The following EEPD1 variants were observed in gnomAD, a reference collection of about 807,000 sequenced individuals.
EEPD1 encodes endonuclease/exonuclease/phosphatase family domain containing 1, also known as endonuclease/exonuclease/phosphatase family domain-containing protein 1.
EEPD1 carries 17 observed loss-of-function variants against 46.3 expected under a neutral mutation model. The observed-to-expected ratio is 0.37, with a 90% CI of 0.25 to 0.55. The LOEUF (loss-of-function observed/expected upper bound fraction) is 0.55, where lower values mean the gene tolerates loss of function less well. EEPD1 is among the 20% of genes least tolerant of loss of function. The pLI is 0.83. For synonymous variants in EEPD1, 313 were observed against 315.6 expected (o/e 0.99, Z 0.09); for missense variants, 673 against 745.6 (o/e 0.90, Z 1.13).
intron 2 of EEPD1, among the ~76,000 whole-genome samples, chr7:36,226,980 T>G (rs1431126942): frequency 6.6e-6 from 1 of 152,134 alleles, no homozygotes; most frequent in Non-Finnish European, 1.5e-5. Context: ...TAAATCCTAG[T>G]GCTAATTTTT....
At chr7:36,271,798 C>T (rs180847349) in intron 3 of EEPD1, among the ~76,000 whole-genome samples, 2 of 132,314 alleles carry the variant, frequency 1.5e-5, no homozygotes, top group African/African-American at 6.1e-5. Flanking sequence ...ACATAAGCCT[C>T]CTATTCTATT....
intron 2 of EEPD1, among the ~76,000 whole-genome samples, chr7:36,195,675 T>A (rs1047342719): frequency 4.6e-5 from 7 of 152,096 alleles, no homozygotes; most frequent in African/African-American, 1.7e-4. Context: ...GTTCAGGAGA[T>A]CTCTTGTACT....
rs868548278 is a variant in EEPD1 at position 36,154,227 on chromosome 7, C to G, written c.-98C>G. The G allele has an allele frequency of 2.8e-6, 4 of 1,415,632 alleles. No homozygotes were observed. The highest frequency in any genetic ancestry group is 3.7e-6 in the Non-Finnish European group (4 of 1,072,670). The allele number at this position is 1,415,632 out of a possible 1,614,324, so 87.7% of individuals were successfully genotyped here. On this transcript the variant is annotated 5_prime_UTR_variant, in exon 2 of 8. Coordinates refer to ENST00000242108, the MANE Select transcript of EEPD1 (RefSeq NM_030636.3). The surrounding 1 kb of genome is among the most constrained non-coding windows in gnomAD (Gnocchi z 4.2). ...TTCAGTCCCTGAATCCTGCACCTTCCGTTTTTCTGTGCTTGTACGGCCTAC... is the reference window on the plus strand; with the variant it reads ...TTCAGTCCCTGAATCCTGCACCTTCGGTTTTTCTGTGCTTGTACGGCCTAC...
chr7:36,248,190 A>G (rs967312703), intron 3 of EEPD1, among the ~76,000 whole-genome samples: 1 of 151,844 alleles, frequency 6.6e-6, no homozygotes, highest in Non-Finnish European at 1.5e-5. Context: ...ACTTATAAAA[A>G]TATATATACT....
intron 3 of EEPD1, among the ~76,000 whole-genome samples, chr7:36,241,993 C>T (rs1786561246): frequency 6.6e-6 from 1 of 152,196 alleles, no homozygotes; most frequent in Non-Finnish European, 1.5e-5. Context: ...GAAATAGGGT[C>T]AGGGCTTATT....
In EEPD1 at chr7:36,225,693, C is replaced by G. The variant is rs1452582783; in HGVS notation, c.879-13292C>G. On this transcript the variant is annotated intron_variant, in intron 2 of 7. Coordinates refer to ENST00000242108, the MANE Select transcript of EEPD1 (RefSeq NM_030636.3). The surrounding 1 kb of genome is among the most constrained non-coding windows in gnomAD (Gnocchi z 4.2). ...CTGGGAATTAAAAAAAAATTTGGCT[C>G]TATTCCCAGGCCCCATAACACCAAC... Among the ~76,000 whole-genome samples the G allele has an allele frequency of 2.6e-5, 4 of 152,152 alleles. No individual in the cohort carries two copies. Among genetic ancestry groups the G allele is most frequent in the African/African-American group, 9.7e-5 (4 of 41,420 alleles).
intron 3 of EEPD1, among the ~76,000 whole-genome samples, chr7:36,270,328 C>CTT (rs970935814): frequency 3.9e-4 from 60 of 152,080 alleles, no homozygotes; most frequent in African/African-American, 1.4e-3. Flanking sequence ...TTTTATTATA[C>CTT]TTTAAGTTCT....
At chr7:36,230,946 A>G (rs1786314803) in intron 2 of EEPD1, 1 of 152,196 alleles carries the variant, frequency 6.6e-6, no homozygotes, top group Non-Finnish European at 1.5e-5. Flanking sequence ...ACGCAGTGGG[A>G]ACTCAAAGTG....
At chr7:36,275,649 A>G (rs1268689609) in intron 3 of EEPD1, among the ~76,000 whole-genome samples, 1 of 152,024 alleles carries the variant, frequency 6.6e-6, no homozygotes, top group Non-Finnish European at 1.5e-5. Context: ...TTTAGTAGAG[A>G]CAGAGTTTCA....
At chr7:36,167,511 T>A (rs552455090) in intron 2 of EEPD1, among the ~76,000 whole-genome samples, 21 of 152,190 alleles carry the variant, frequency 1.4e-4, no homozygotes, top group African/African-American at 5.1e-4. Context: ...TCCTTCAGAT[T>A]TGCTAGTCTG....
intron 6 of EEPD1, among the ~76,000 whole-genome samples, chr7:36,294,300 TA>T (rs1787490380): frequency 6.6e-6 from 1 of 152,208 alleles, no homozygotes; most frequent in Non-Finnish European, 1.5e-5. Context: ...CTCACTCAAA[TA>T]TTGATCAATA....
intron 6 of EEPD1, among the ~76,000 whole-genome samples, chr7:36,291,465 C>G (rs1388250261): frequency 6.6e-6 from 1 of 152,208 alleles, no homozygotes; most frequent in East Asian, 1.9e-4. Context: ...GTAACAGCAC[C>G]TGCCCCATGG....
In EEPD1 at chr7:36,187,265, A is replaced by AT. The variant is rs556367812; in HGVS notation, c.878+32063_878+32064insT. 2.0e-5 allele frequency among the ~76,000 whole-genome samples: 3 copies of AT among 152,266 alleles called. No individual in the cohort carries two copies. The East Asian group carries it at 5.8e-4, about 29-fold the overall frequency. ...ATGGTGGTAAAATATACCTCACATA[A>AT]AATTTTCCATTTTAATCATTTTTCA... On this transcript the variant is annotated intron_variant, in intron 2 of 7. Transcript: ENST00000242108.
intron 2 of EEPD1, among the ~76,000 whole-genome samples, chr7:36,175,388 G>T (rs570352389): frequency 6.6e-6 from 1 of 152,000 alleles, no homozygotes; most frequent in Non-Finnish European, 1.5e-5. Context: ...GTGCCACCAC[G>T]CCTGACTAAT....
chr7:36,186,638 C>A (rs1041943608), intron 2 of EEPD1, among the ~76,000 whole-genome samples: 12 of 152,172 alleles, frequency 7.9e-5, no homozygotes, highest in Admixed American at 2.0e-4. Context: ...CTACACTGAT[C>A]TAAGTAGAAA....
At chr7:36,190,070 T>G (rs1304443440) in intron 2 of EEPD1, among the ~76,000 whole-genome samples, 1 of 152,152 alleles carries the variant, frequency 6.6e-6, no homozygotes, top group Non-Finnish European at 1.5e-5. Flanking sequence ...GTGCTTGGCA[T>G]GTACAAAACA....
At chr7:36,204,012 CCTTT>C (rs1242350450) in intron 2 of EEPD1, among the ~76,000 whole-genome samples, 15 of 151,192 alleles carry the variant, frequency 9.9e-5, no homozygotes, top group Admixed American at 3.3e-4. Flanking sequence ...TGTCAAATGC[CCTTT>C]CTTTCTTTCT....
At chr7:36,239,696 G>A (rs1786521360) in intron 3 of EEPD1, among the ~76,000 whole-genome samples, 1 of 152,036 alleles carries the variant, frequency 6.6e-6, no homozygotes, top group Admixed American at 6.6e-5. Context: ...GGGATTTTTT[G>A]CCAGTTGTGG....
chr7:36,156,479 T>C (rs1471372682), intron 2 of EEPD1, among the ~76,000 whole-genome samples: 1 of 152,170 alleles, frequency 6.6e-6, no homozygotes, highest in Non-Finnish European at 1.5e-5. Flanking sequence ...CCGGGAGATA[T>C]TTATAAAGAA....
Sources: allele counts gnomAD v4.1 joint callset (sites outside exome capture counted in the v4.1 genomes callset), GRCh38; gene constraint gnomAD v4.1.1; non-coding constraint Gnocchi (gnomAD v3.1); transcripts MANE v1.5; gene names NCBI Gene and HGNC (gene_info 2026-07-23, HGNC 2026-07-21).